CNBD1: variants seen among roughly 807,000 people sequenced by gnomAD.
The protein encoded by CNBD1 is cyclic nucleotide-binding domain-containing protein 1.
CNBD1 carries 71 observed loss-of-function variants against 54.4 expected under a neutral mutation model. The observed-to-expected ratio is 1.30, with a 90% CI of 1.08 to 1.59. The LOEUF (loss-of-function observed/expected upper bound fraction) is 1.59, where lower values mean the gene tolerates loss of function less well. Among genes scored for constraint, CNBD1 ranks in the 40% most tolerant of loss-of-function variants. The probability of loss-of-function intolerance (pLI) is 0.00; values close to 1 mark genes in which losing one functional copy is unlikely to be tolerated. For synonymous variants in CNBD1, 182 were observed against 170.7 expected (o/e 1.07, Z -0.51); for missense variants, 659 against 518.0 (o/e 1.27, Z -2.64).
chr8:87,036,996 T>A (rs1399915780), intron 4 of CNBD1, among the ~76,000 whole-genome samples: 1 of 152,216 alleles, frequency 6.6e-6, no homozygotes, highest in African/African-American at 2.4e-5. Context: ...TTCATTTACT[T>A]CTTAATACTG....
At chr8:86,964,099 G>T (rs147785534) in intron 4 of CNBD1, among the ~76,000 whole-genome samples, 22 of 1,160 alleles carry the variant, frequency 0.019, no homozygotes, top group African/African-American at 0.078. Flanking sequence ...GTCCTCTATA[G>T]TACTCTCTGG....
chr8:87,319,575 A>T lies in CNBD1; in HGVS notation c.1043-32110A>T, dbSNP rs1181427682. Among the ~76,000 whole-genome samples the T allele has an allele frequency of 1.8e-4, 27 of 152,142 alleles. 1 individual carries two copies. Among genetic ancestry groups the T allele is most frequent in the Admixed American group, 1.8e-3 (27 of 15,254 alleles). On this transcript the variant is annotated intron_variant, in intron 8 of 10. Transcript: ENST00000518476. ...TTGGAAAATTTCTACTATACAAAAA[A>T]GTTACAGGATAAAAGAACAAAACTA...
chr8:87,038,921 T>G (rs762867099), intron 4 of CNBD1, among the ~76,000 whole-genome samples: 5 of 152,202 alleles, frequency 3.3e-5, no homozygotes, highest in Non-Finnish European at 7.3e-5. Flanking sequence ...TGATACCCAT[T>G]GCTGCCTCTG....
intron 4 of CNBD1, among the ~76,000 whole-genome samples, chr8:87,076,061 A>G (rs2130658350): frequency 6.6e-6 from 1 of 152,324 alleles, no homozygotes; most frequent in South Asian, 2.1e-4. Flanking sequence ...ATATGAAGCA[A>G]TTTCAATTAT....
chr8:87,034,658 G>T (rs924911349), intron 4 of CNBD1, among the ~76,000 whole-genome samples: 1 of 152,002 alleles, frequency 6.6e-6, no homozygotes, highest in Non-Finnish European at 1.5e-5. Flanking sequence ...ACATAGACTC[G>T]TATATAATAT....
At chr8:87,299,269 A>G (rs1808939571) in intron 8 of CNBD1, among the ~76,000 whole-genome samples, 1 of 151,918 alleles carries the variant, frequency 6.6e-6, no homozygotes, top group Non-Finnish European at 1.5e-5. Context: ...CTCTCCTTCC[A>G]CATTTTCTCC....
chr8:86,893,626 A>G (rs1480833669), intron 2 of CNBD1, among the ~76,000 whole-genome samples: 1 of 152,164 alleles, frequency 6.6e-6, no homozygotes, highest in Non-Finnish European at 1.5e-5. Context: ...TTCTATCCAT[A>G]TCACTACAGT....
intron 2 of CNBD1, among the ~76,000 whole-genome samples, chr8:87,422,287 CATTTGTCA>C (rs1418997903): frequency 6.9e-6 from 1 of 145,588 alleles, no homozygotes; most frequent in Non-Finnish European, 1.5e-5. Context: ...AATTAGATCC[CATTTGTCA>C]ATTTTGTCTT....
At chr8:86,967,698 T>A (rs1297988506) in intron 4 of CNBD1, among the ~76,000 whole-genome samples, 1 of 152,242 alleles carries the variant, frequency 6.6e-6, no homozygotes, top group Non-Finnish European at 1.5e-5. Context: ...TGCCTACTCT[T>A]TTTAATAAGG....
chr8:87,075,092 G>A (rs909738104), intron 4 of CNBD1, among the ~76,000 whole-genome samples: 2 of 152,214 alleles, frequency 1.3e-5, no homozygotes, highest in South Asian at 2.1e-4. Context: ...TAAGTTATTT[G>A]TAAAACTCCT....
At chr8:87,220,503 T>G (rs1030362821) in intron 5 of CNBD1, among the ~76,000 whole-genome samples, 3 of 151,708 alleles carry the variant, frequency 2.0e-5, no homozygotes, top group Non-Finnish European at 2.9e-5. Context: ...GTCCAAGTTT[T>G]TTTTTTTTTT....
chr8:87,370,846 T>A (rs538321613), intron 10 of CNBD1, among the ~76,000 whole-genome samples: 1 of 150,608 alleles, frequency 6.6e-6, no homozygotes, highest in South Asian at 2.1e-4. Flanking sequence ...TCTTCTAGGG[T>A]TTTTATGGTT....
chr8:86,895,709 A>C lies in CNBD1; in HGVS notation c.158+8098A>C, dbSNP rs115001457. ...TCCCTAATGACATATGATGTTTATC[A>C]TCTTTTCATAAGCTAATTTCCACCT... is the stretch of plus-strand genomic sequence containing the variant. On this transcript the variant is annotated intron_variant, in intron 2 of 10. Transcript: ENST00000518476. Among the ~76,000 whole-genome samples the C allele has an allele frequency of 3.9e-3, 601 of 152,282 alleles. 5 individuals carry two copies. Among genetic ancestry groups the C allele is most frequent in the African/African-American group, 0.013 (523 of 41,558 alleles).
intron 4 of CNBD1, among the ~76,000 whole-genome samples, chr8:86,943,390 A>AAAAAAAAAAAT (rs1807384542): frequency 6.7e-6 from 1 of 150,176 alleles, no homozygotes. Flanking sequence ...AAAAAAAAAA[A>AAAAAAAAAAAT]GAAATGCAAA....
chr8:87,119,531 G>C (rs1811848817), intron 4 of CNBD1, among the ~76,000 whole-genome samples: 1 of 151,944 alleles, frequency 6.6e-6, no homozygotes, highest in Non-Finnish European at 1.5e-5. Flanking sequence ...AGCAAAGTGG[G>C]ACAATTTGAT....
At chr8:87,095,926 G>A (rs1811310074) in intron 4 of CNBD1, among the ~76,000 whole-genome samples, 1 of 152,164 alleles carries the variant, frequency 6.6e-6, no homozygotes, top group Admixed American at 6.5e-5. Context: ...CCAAAATGTT[G>A]GGATTACAGG....
rs191001837 is a variant in CNBD1, at chr8:86,913,545, G to A, written c.272+8351G>A. 3.3e-3 allele frequency among the ~76,000 whole-genome samples: 503 copies of A among 152,164 alleles called. 1 individual carries two copies. Among genetic ancestry groups the A allele is most frequent in the African/African-American group, 0.011 (463 of 41,524 alleles). On this transcript the variant is annotated intron_variant, in intron 3 of 10. Transcript: ENST00000518476. Reference sequence around the variant, plus strand: ...TCTGGGGGAGACATCACATGTCGGCGGGTTCTGTGATGCCCCCTGAGCCAT... The same window carrying A: ...TCTGGGGGAGACATCACATGTCGGCAGGTTCTGTGATGCCCCCTGAGCCAT...
intron 8 of CNBD1, among the ~76,000 whole-genome samples, chr8:87,290,456 A>C (rs2130874311): frequency 6.6e-6 from 1 of 152,270 alleles, no homozygotes; most frequent in African/African-American, 2.4e-5. Context: ...ACAACATTAT[A>C]CACATATTAT....
intron 1 of CNBD1, among the ~76,000 whole-genome samples, chr8:86,873,697 TA>T (rs1331876140): frequency 9.2e-5 from 14 of 152,130 alleles, no homozygotes; most frequent in African/African-American, 3.1e-4. Flanking sequence ...TGCATGCCAC[TA>T]AATAAAATTT....
Sources: allele counts gnomAD v4.1 joint callset (sites outside exome capture counted in the v4.1 genomes callset), GRCh38; gene constraint gnomAD v4.1.1; transcripts MANE v1.5; gene names NCBI Gene and HGNC (gene_info 2026-07-23, HGNC 2026-07-21).